Variants in SHROOM4 observed in about 807,000 individuals in gnomAD.
SHROOM4 encodes shroom family member 4.
SHROOM4 carries 17 observed loss-of-function variants against 80.3 expected under a neutral mutation model. The ratio of observed to expected loss-of-function variants is 0.21; its 90% confidence interval spans 0.14 to 0.32. The LOEUF is 0.32. Among genes scored for constraint, SHROOM4 ranks in the 10% least tolerant of loss-of-function variants. SHROOM4 has a pLI of 1.00. For synonymous variants in SHROOM4, 400 were observed against 437.5 expected (o/e 0.91, Z 1.07); for missense variants, 993 against 1,140.3 (o/e 0.87, Z 1.86).
intron 1 of SHROOM4, among the ~76,000 whole-genome samples, chrX:50,804,207 C>T (rs1044701568): frequency 1.6e-4 from 18 of 111,421 alleles, no homozygotes; most frequent in African/African-American, 5.9e-4. Flanking sequence ...TGGACAACAG[C>T]GCAGGTTGTA....
chrX:50,680,630 C>T (rs1224161000), intron 2 of SHROOM4, among the ~76,000 whole-genome samples: 26 of 111,358 alleles, frequency 2.3e-4, no homozygotes, highest in Middle Eastern at 4.6e-3. Flanking sequence ...TTATCTTATA[C>T]AATTACAGTA....
chrX:50,632,898 CTT>C (rs1931128728), intron 4 of SHROOM4, among the ~76,000 whole-genome samples: 1 of 111,417 alleles, frequency 9.0e-6, no homozygotes. Flanking sequence ...GGTTGAATGA[CTT>C]GCTTTGGGTC....
In SHROOM4 at chrX:50,591,942, C is replaced by A. The variant is rs1479949149; in HGVS notation, c.*4753G>T. ...CCGTGTTAGCCAGGATGGTCTTGAT[C>A]TCCTGACCTCGTGATCCACCTGCCT... On this transcript the variant is annotated 3_prime_UTR_variant, in exon 9 of 9. Transcript: ENST00000376020. 1 of 327,224 alleles carries A rather than the reference C, an allele frequency of 3.1e-6. No individual in the cohort carries two copies. The highest frequency in any genetic ancestry group is 2.7e-5 in the African/African-American group (1 of 37,473). The allele number at this position is 327,224 out of a possible 1,213,427, so 27.0% of individuals were successfully genotyped here.
intron 2 of SHROOM4, among the ~76,000 whole-genome samples, chrX:50,658,523 G>A (rs1932387921): frequency 9.0e-6 from 1 of 111,494 alleles, no homozygotes; most frequent in Non-Finnish European, 1.9e-5. Flanking sequence ...TCTTTTCAGA[G>A]TGCAAATCTG....
At chrX:50,654,641 G>A (rs149166907) in intron 2 of SHROOM4, among the ~76,000 whole-genome samples, 2,813 of 109,761 alleles carry the variant, frequency 0.026, 47 homozygotes, top group Middle Eastern at 0.066. Context: ...TTTCCAGAAC[G>A]TACTCCTCTT....
chrX:50,655,839 C>T lies in SHROOM4; in HGVS notation c.270-17531G>A, dbSNP rs182982957. Among the ~76,000 whole-genome samples the T allele has an allele frequency of 1.4e-3, 152 of 110,096 alleles. 1 individual carries two copies. Among genetic ancestry groups the T allele is most frequent in the African/African-American group, 4.8e-3 (147 of 30,408 alleles). ...TATTTTTAGTTTTTTGAGAAGCCCC[C>T]CTACTGTTTTCCATAATGGCTATAC... On this transcript the variant is annotated intron_variant, in intron 2 of 8. Coordinates refer to ENST00000376020, the MANE Select transcript of SHROOM4 (RefSeq NM_020717.5).
intron 5 of SHROOM4, among the ~76,000 whole-genome samples, chrX:50,611,276 G>A (rs1436874423): frequency 9.5e-6 from 1 of 104,891 alleles, no homozygotes; most frequent in African/African-American, 3.6e-5. Flanking sequence ...AGCCTCCCCA[G>A]TAGCTGGGAC....
intron 1 of SHROOM4, among the ~76,000 whole-genome samples, chrX:50,786,992 G>T (rs1174596980): frequency 9.0e-6 from 1 of 111,202 alleles, no homozygotes. Context: ...TGAGGCAGGA[G>T]GATTGCTTGA....
chrX:50,736,200 C>T (rs182586040), intron 1 of SHROOM4, among the ~76,000 whole-genome samples: 284 of 110,321 alleles, frequency 2.6e-3, no homozygotes, highest in African/African-American at 8.7e-3. Flanking sequence ...TTCATACATG[C>T]TAGGTGCTAG....
At chrX:50,801,560 A>G (rs1557272601) in intron 1 of SHROOM4, among the ~76,000 whole-genome samples, 7 of 111,799 alleles carry the variant, frequency 6.3e-5, no homozygotes, top group Non-Finnish European at 1.9e-5. Context: ...CTAAGAGCCA[A>G]AACCCTCTTT....
intron 6 of SHROOM4, among the ~76,000 whole-genome samples, chrX:50,604,138 G>A (rs782493599): frequency 3.6e-5 from 4 of 111,794 alleles, no homozygotes; most frequent in African/African-American, 9.8e-5. Flanking sequence ...AGTTGGGCCC[G>A]CCAATATTTT....
chrX:50,712,087 G>A (rs1171455106), intron 1 of SHROOM4, among the ~76,000 whole-genome samples: 1 of 112,293 alleles, frequency 8.9e-6, no homozygotes, highest in East Asian at 2.8e-4. Context: ...GCTATATTGA[G>A]TAGGGAACTC....
chrX:50,733,091 T>C (rs1323713997), intron 1 of SHROOM4, among the ~76,000 whole-genome samples: 1 of 112,273 alleles, frequency 8.9e-6, no homozygotes, highest in Non-Finnish European at 1.9e-5. Context: ...ATCTGAGAGA[T>C]GCAGAGTTGG....
intron 1 of SHROOM4, among the ~76,000 whole-genome samples, chrX:50,781,910 T>A (rs1935634448): frequency 9.0e-6 from 1 of 111,085 alleles, no homozygotes; most frequent in African/African-American, 3.3e-5. Flanking sequence ...AATGGTCAAT[T>A]TAAAACAAAT....
rs782342412 is a variant in SHROOM4, at chrX:50,589,448, C to A, written c.*7247G>T. ...AAACCCCATGCCTATTGCCCCTGAG[C>A]CCCCAGCCTTGACAACCACTAATCT... On this transcript the variant is annotated 3_prime_UTR_variant, in exon 9 of 9. Transcript: ENST00000376020. Among the ~76,000 whole-genome samples the A allele has an allele frequency of 3.9e-4, 43 of 111,372 alleles. No individual in the cohort carries two copies. The highest frequency in any genetic ancestry group is 1.3e-3 in the African/African-American group (40 of 30,713).
At chrX:50,798,870 C>T (rs1390536654) in intron 1 of SHROOM4, among the ~76,000 whole-genome samples, 1 of 111,428 alleles carries the variant, frequency 9.0e-6, no homozygotes, top group East Asian at 2.8e-4. Flanking sequence ...CTTGACCCTC[C>T]GAACCAGGCC....
chrX:50,608,438 C>T (rs1557249201), intron 5 of SHROOM4, among the ~76,000 whole-genome samples: 1 of 111,634 alleles, frequency 9.0e-6, no homozygotes, highest in Non-Finnish European at 1.9e-5. Flanking sequence ...CAGGAGGTAG[C>T]TATTACTATT....
rs1928782877 is a variant in SHROOM4 at position 50,587,562 on chromosome X, C to T, written c.*9133G>A. Among the ~76,000 whole-genome samples, 1 of 112,058 alleles carries T rather than the reference C, an allele frequency of 8.9e-6. No individual in the cohort carries two copies. Among genetic ancestry groups the T allele is most frequent in the Admixed American group, 9.4e-5 (1 of 10,601 alleles). ...CTGAAGAAATCAAGGAAGAATGTTT[C>T]GCATTGCCATACCAGGGTAAAAAGT... is the stretch of plus-strand genomic sequence containing the variant. On this transcript the variant is annotated 3_prime_UTR_variant, in exon 9 of 9. Transcript: ENST00000376020.
rs145179588 is a variant in SHROOM4, at chrX:50,638,664, C to T, written c.270-356G>A. Reference sequence around the variant, plus strand: ...CTTTGAGAAAGAAAATCAATCTGGTCAATCTTCCCATTTTTCTCTGAGAAA... The same window carrying T: ...CTTTGAGAAAGAAAATCAATCTGGTTAATCTTCCCATTTTTCTCTGAGAAA... On this transcript the variant is annotated intron_variant, in intron 2 of 8. Transcript: ENST00000376020. Among the ~76,000 whole-genome samples, 209 of 112,646 alleles carry T rather than the reference C, an allele frequency of 1.9e-3. 1 individual carries two copies. In the East Asian group the frequency reaches 0.04, roughly 22 times the overall value.
Sources: allele counts gnomAD v4.1 joint callset (sites outside exome capture counted in the v4.1 genomes callset), GRCh38; gene constraint gnomAD v4.1.1; transcripts MANE v1.5; gene names NCBI Gene and HGNC (gene_info 2026-07-23, HGNC 2026-07-21).